The following ADGRG2 variants were observed in gnomAD, a reference collection of about 807,000 sequenced individuals.
ADGRG2 encodes adhesion G protein-coupled receptor G2, also known as G protein-coupled receptor 64.
In ADGRG2, 26 loss-of-function variants were observed where a neutral mutation model predicts 74.1. That is an observed-to-expected ratio of 0.35 (90% CI 0.26 to 0.49). The LOEUF (loss-of-function observed/expected upper bound fraction) is 0.49. ADGRG2 is among the 20% of genes least tolerant of loss of function. ADGRG2 has a pLI of 0.99. For missense variants in ADGRG2, 619 were observed against 763.1 expected (o/e 0.81, Z 2.22); for synonymous variants, 296 against 295.2 (o/e 1.00, Z -0.03).
chrX:19,110,661 A>T (rs1278047900), intron 1 of ADGRG2, among the ~76,000 whole-genome samples: 4 of 106,264 alleles, frequency 3.8e-5, no homozygotes, highest in African/African-American at 1.4e-4. Flanking sequence ...ACTCCAACCT[A>T]GGTGACAGGG....
chrX:19,074,759 T>G (rs769621711), intron 2 of ADGRG2, among the ~76,000 whole-genome samples: 1 of 107,056 alleles, frequency 9.3e-6, no homozygotes, highest in South Asian at 4.3e-4. Context: ...TTAGTAGAGA[T>G]GGGGTTTCAC....
At chrX:18,997,012 C>T (rs902881147) in intron 26 of ADGRG2, among the ~76,000 whole-genome samples, 27 of 111,668 alleles carry the variant, frequency 2.4e-4, no homozygotes, top group African/African-American at 8.5e-4. Flanking sequence ...CACTTGAACC[C>T]GGGAGGCGGA....
At chrX:19,049,292 C>T (rs1009169972) in intron 3 of ADGRG2, among the ~76,000 whole-genome samples, 3 of 111,604 alleles carry the variant, frequency 2.7e-5, no homozygotes, top group African/African-American at 9.8e-5. Flanking sequence ...TGCACAGGCT[C>T]GTTGCCATCT....
Position 18,996,152 on chromosome X carries a change from C to A in ADGRG2, c.2615G>T (p.Gly872Val). Residue 872 changes from glycine (G) to valine (V), a missense_variant and splice_region_variant, in exon 27 of 29, where the codon GGA (glycine) becomes GTA (valine). Around this residue, in one of 3 missense-constraint regions of ADGRG2, gnomAD observed 221 missense variants for 340.6 expected, o/e 0.65. Coordinates refer to ENST00000379869, the MANE Select transcript of ADGRG2 (RefSeq NM_001079858.3). ...YLFAIFNTLQ[G>V]FFIFIFYCVA... ...ACAGTAAAAGATGAATATGAAAAAT[C>A]CTAAGGAGGGAAAAAAAACCCACAA... 9.8e-7 allele frequency: 1 copy of A among 1,025,145 alleles called. No individual in the cohort carries two copies. The highest frequency in any genetic ancestry group is 1.4e-6 in the Non-Finnish European group (1 of 729,809). 84.5% of individuals were successfully genotyped at this position (1,025,145 alleles called of 1,213,427 possible).
intron 24 of ADGRG2, 83 bp downstream of exon 24, chrX:19,002,760 TTCA>T (rs1248499736): frequency 1.1e-6 from 1 of 921,056 alleles, no homozygotes; most frequent in Non-Finnish European, 1.5e-6. Flanking sequence ...TGTGATCTGC[TTCA>T]TCGTTTCCAC....
At chrX:19,079,802 A>C (rs999505353) in intron 2 of ADGRG2, among the ~76,000 whole-genome samples, 12 of 112,364 alleles carry the variant, frequency 1.1e-4, no homozygotes, top group Non-Finnish European at 1.9e-4. Flanking sequence ...TCAATAAAAC[A>C]AGTGAATCAA....
intron 2 of ADGRG2, among the ~76,000 whole-genome samples, chrX:19,075,436 G>A (rs192992793): frequency 4.6e-5 from 5 of 108,396 alleles, no homozygotes; most frequent in Non-Finnish European, 7.6e-5. Context: ...GCCTAACGAG[G>A]CGGAACCCCC....
intron 1 of ADGRG2, among the ~76,000 whole-genome samples, chrX:19,103,079 G>A (rs1433458182): frequency 1.8e-5 from 2 of 110,942 alleles, no homozygotes; most frequent in Admixed American, 1.9e-4. Context: ...GTCACAGGAT[G>A]AGACAGGAGG....
At chrX:19,034,266 T>C (rs924912484) in intron 7 of ADGRG2, 5 of 111,779 alleles carry the variant, frequency 4.5e-5, no homozygotes, top group African/African-American at 1.3e-4. Flanking sequence ...AATATTAACA[T>C]GCCCTGAAGA....
At chrX:18,991,292 G>GT (rs773143771) in intron 28 of ADGRG2, among the ~76,000 whole-genome samples, 67 of 110,926 alleles carry the variant, frequency 6.0e-4, no homozygotes, top group African/African-American at 2.1e-3. Flanking sequence ...TTTTTGTTTG[G>GT]TTTTTAATGA....
At position 19,007,241 on chromosome X, in the gene ADGRG2, C is replaced by T. The variant is rs1394212561; in HGVS notation, c.1683G>A (p.Pro561=). ...GGCACTGGCCTCTCCCCACCTGGCT[C>T]GGGTTGATGTGCTTTAATGTGACTG... ...NVTVTLKHIN[P]SQDELTVRCV... is the part of the protein sequence containing the mutation. Residue 561 remains proline, a synonymous_variant, in exon 20 of 29, where the codon CCG becomes CCA. Coordinates refer to ENST00000379869, the MANE Select transcript of ADGRG2 (RefSeq NM_001079858.3). 4.1e-6 allele frequency: 5 copies of T among 1,209,099 alleles called. No individual in the cohort carries two copies. Among genetic ancestry groups the T allele is most frequent in the South Asian group, 1.8e-5 (1 of 56,775 alleles).
At chrX:19,050,396 C>T (rs927069296) in intron 3 of ADGRG2, among the ~76,000 whole-genome samples, 2 of 111,777 alleles carry the variant, frequency 1.8e-5, no homozygotes, top group African/African-American at 6.5e-5. Flanking sequence ...CAGAGGCAGA[C>T]AGAAGTCTGC....
At chrX:19,027,865 A>T (rs2060739287) in intron 10 of ADGRG2, among the ~76,000 whole-genome samples, 1 of 112,553 alleles carries the variant, frequency 8.9e-6, no homozygotes, top group Non-Finnish European at 1.9e-5. Flanking sequence ...TCATAGATTC[A>T]ATACACATAT....
intron 1 of ADGRG2, among the ~76,000 whole-genome samples, chrX:19,083,152 C>T (rs913501485): frequency 2.8e-5 from 3 of 106,572 alleles, no homozygotes; most frequent in Non-Finnish European, 3.8e-5. Flanking sequence ...TACAGGCACA[C>T]GCTACCACAC....
At chrX:19,097,282 C>T (rs2062113174) in intron 1 of ADGRG2, among the ~76,000 whole-genome samples, 3 of 112,680 alleles carry the variant, frequency 2.7e-5, no homozygotes, top group Admixed American at 9.4e-5. Flanking sequence ...GAGGCCAAGG[C>T]GGGTGGATCA....
In ADGRG2 at chrX:19,028,199, T is replaced by G; in HGVS notation, c.398A>C (p.Glu133Ala). 1.8e-6 allele frequency: 2 copies of G among 1,092,182 alleles called. No individual in the cohort carries two copies. Among genetic ancestry groups the G allele is most frequent in the Non-Finnish European group, 2.5e-6 (2 of 794,389 alleles). The allele number at this position is 1,092,182 out of a possible 1,213,427, so 90.0% of individuals were successfully genotyped here. Reference sequence around the variant, plus strand: ...AAAACTTACCTGGGGAACAGTGCTTTCTTTATCATATTGAAACATGATCTC... The same window carrying G: ...AAAACTTACCTGGGGAACAGTGCTTGCTTTATCATATTGAAACATGATCTC... ...RGEIMFQYDKESTVPQNQHIT... is the reference protein window; with the variant it reads ...RGEIMFQYDKASTVPQNQHIT... Residue 133 changes from glutamate (E) to alanine (A), a missense_variant, in exon 10 of 29, where the codon GAA becomes GCA. Glu to Ala is a moderately radical substitution (Grantham distance 107). Coordinates refer to ENST00000379869, the MANE Select transcript of ADGRG2 (RefSeq NM_001079858.3).
At chrX:19,041,430 AC>A (rs1367379100) in intron 3 of ADGRG2, among the ~76,000 whole-genome samples, 1 of 112,247 alleles carries the variant, frequency 8.9e-6, no homozygotes, top group East Asian at 2.8e-4. Flanking sequence ...GTTATCTTAT[AC>A]ATTAAAAAAA....
At chrX:19,010,502 T>G in intron 17 of ADGRG2, 111 bp downstream of exon 17, 1 of 624,386 alleles carries the variant, frequency 1.6e-6, no homozygotes, top group Non-Finnish European at 2.5e-6. Flanking sequence ...TGAGAAACCA[T>G]GATGTACCTG....
chrX:19,023,563 C>A, intron 12 of ADGRG2, 110 bp from the exon 13 acceptor site: 1 of 476,709 alleles, frequency 2.1e-6, no homozygotes, highest in South Asian at 3.8e-5. Flanking sequence ...CACGAGAGCC[C>A]TTAGGGATTG....
Sources: gnomAD v4.1 joint callset for allele counts (sites outside exome capture counted in the v4.1 genomes callset) on GRCh38, gnomAD v4.1.1 for gene constraint, gnomAD v4.1.1 regional missense constraint, MANE v1.5 for transcripts, NCBI Gene and HGNC (gene_info 2026-07-23, HGNC 2026-07-21) for gene names.